ARRB1: variants seen among roughly 807,000 people sequenced by gnomAD.
ARRB1 encodes arrestin beta 1.
In ARRB1, 21 loss-of-function variants were observed where a neutral mutation model predicts 56.8. The ratio of observed to expected loss-of-function variants is 0.37; its 90% CI spans 0.26 to 0.53. ARRB1 has a LOEUF of 0.53. ARRB1 is among the 20% of genes least tolerant of loss of function. The pLI is 0.88. For synonymous variants in ARRB1, 210 were observed against 218.6 expected, an observed-to-expected ratio of 0.96 and a Z score of 0.35; for missense variants, 424 against 553.7, an observed-to-expected ratio of 0.77 and a Z score of 2.35.
intron 1 of ARRB1, among the ~76,000 whole-genome samples, chr11:75,348,005 G>A (rs1022607455): frequency 6.6e-5 from 10 of 152,058 alleles, no homozygotes; most frequent in South Asian, 6.2e-4. Context: ...CCTACTTGGC[G>A]CTGCCAAAGA....
At chr11:75,307,309 G>A (rs1947054765) in intron 1 of ARRB1, among the ~76,000 whole-genome samples, 1 of 152,198 alleles carries the variant, frequency 6.6e-6, no homozygotes, top group Non-Finnish European at 1.5e-5. Flanking sequence ...GACAAGATGA[G>A]CCTCCATCAG....
chr11:75,340,892 G>T (rs59368208), intron 1 of ARRB1, among the ~76,000 whole-genome samples: 3 of 152,090 alleles, frequency 2.0e-5, no homozygotes, highest in Non-Finnish European at 2.9e-5. Context: ...AGGGGCCAGA[G>T]GGGAGTGGCG....
intron 1 of ARRB1, among the ~76,000 whole-genome samples, chr11:75,315,729 G>A (rs917707740): frequency 1.3e-5 from 2 of 152,202 alleles, no homozygotes; most frequent in African/African-American, 4.8e-5. Context: ...CTGTGAGAGA[G>A]ACACCTGGTC....
At chr11:75,312,153 C>T in intron 1 of ARRB1, 1 of 1,289,176 alleles carries the variant, frequency 7.8e-7, no homozygotes, top group Non-Finnish European at 1.0e-6. Context: ...CTCCTTCCTC[C>T]ACCCTCGCCC....
At chr11:75,338,879 T>A (rs1457114669) in intron 1 of ARRB1, among the ~76,000 whole-genome samples, 1 of 152,220 alleles carries the variant, frequency 6.6e-6, no homozygotes, top group African/African-American at 2.4e-5. Context: ...AGACCCATCA[T>A]AACATCAACC....
At chr11:75,310,484 A>G (rs545510755) in intron 1 of ARRB1, among the ~76,000 whole-genome samples, 53 of 152,324 alleles carry the variant, frequency 3.5e-4, no homozygotes, top group South Asian at 1.4e-3. Flanking sequence ...ACCATGCTAC[A>G]TTGTTTCCAA....
At position 75,268,932 on chromosome 11, in the gene ARRB1, G is replaced by A. The variant is rs1379789018; in HGVS notation, c.1050C>T (p.Thr350=). The A allele has an allele frequency of 6.2e-7, 1 of 1,611,412 alleles. No homozygotes were observed. The highest frequency in any genetic ancestry group is 2.2e-5 in the East Asian group (1 of 44,840). The part of the protein sequence containing the change: ...SSDVAVELPF[T]LMHPKPKEEP... ...CCTCTTTGGGCTTGGGGTGCATTAG[G>A]GTGAAGGGCAGTTCCACGGCCACGT... The change falls in exon 14 of 16, where the codon ACC becomes ACT. Residue 350 remains threonine, a synonymous_variant. Coordinates refer to ENST00000420843, the MANE Select transcript of ARRB1 (RefSeq NM_004041.5).
chr11:75,341,945 G>A (rs530152218), intron 1 of ARRB1, among the ~76,000 whole-genome samples: 15 of 152,296 alleles, frequency 9.8e-5, no homozygotes, highest in African/African-American at 1.4e-4. Flanking sequence ...AAGCTGTCCC[G>A]CCAGAATCAC....
chr11:75,273,984 C>A, intron 11 of ARRB1, 90 bp downstream of exon 11: 1 of 1,583,726 alleles, frequency 6.3e-7, no homozygotes, highest in Non-Finnish European at 8.6e-7. Context: ...GTAGCCTGAG[C>A]CTTGTCTTTG....
chr11:75,346,352 A>G (rs1292105098), intron 1 of ARRB1, among the ~76,000 whole-genome samples: 2 of 152,044 alleles, frequency 1.3e-5, no homozygotes, highest in Non-Finnish European at 2.9e-5. Flanking sequence ...CTGAAAGGAG[A>G]GCACAGGGCA....
chr11:75,290,953 G>T lies in ARRB1; in HGVS notation c.21-914C>A, dbSNP rs117311048. On this transcript the variant is annotated intron_variant, in intron 1 of 15. Coordinates refer to ENST00000420843, the MANE Select transcript of ARRB1 (RefSeq NM_004041.5). The stretch of plus-strand genomic sequence containing the variant: ...CACATATTTTGCTTGTTTATTATGT[G>T]TCTACTCTGCTAATATGTCACTCCA... 7.7e-4 allele frequency among the ~76,000 whole-genome samples: 117 copies of T among 152,212 alleles called. 2 individuals carry two copies. The East Asian group carries it at 0.019, about 25-fold the overall frequency.
At chr11:75,314,858 C>T (rs567740716) in intron 1 of ARRB1, among the ~76,000 whole-genome samples, 35 of 152,328 alleles carry the variant, frequency 2.3e-4, no homozygotes, top group Middle Eastern at 3.4e-3. Flanking sequence ...CCACCCGCCT[C>T]GGCCTCCCAA....
chr11:75,328,149 T>C (rs1452426756), intron 1 of ARRB1, among the ~76,000 whole-genome samples: 1 of 152,194 alleles, frequency 6.6e-6, no homozygotes, highest in African/African-American at 2.4e-5. Flanking sequence ...TTTCTGTCTC[T>C]ATGGATTTCT....
At chr11:75,344,177 A>G (rs1195726830) in intron 1 of ARRB1, among the ~76,000 whole-genome samples, 1 of 152,072 alleles carries the variant, frequency 6.6e-6, no homozygotes, top group East Asian at 1.9e-4. Context: ...ACCTGATACC[A>G]TGGGAGACAG....
chr11:75,281,149 G>T lies in ARRB1; in HGVS notation c.415-7C>A. ...CATAGTCCACACCGCAAGCCTGTGG[G>T]GAAGGGGTCACTGACCACAGGGCCT... On this transcript the variant is annotated splice_polypyrimidine_tract_variant and splice_region_variant and intron_variant, in intron 6 of 15. Transcript: ENST00000420843. 6.3e-7 allele frequency: 1 copy of T among 1,591,948 alleles called. No individual in the cohort carries two copies. The highest frequency in any genetic ancestry group is 8.6e-7 in the Non-Finnish European group (1 of 1,168,256).
Position 75,266,231 on chromosome 11 carries a change from T to G in ARRB1, c.1189A>C (p.Lys397Gln). 1 of 1,614,222 alleles carries G rather than the reference T, an allele frequency of 6.2e-7. No homozygotes were observed. Among genetic ancestry groups the G allele is most frequent in the Non-Finnish European group, 8.5e-7 (1 of 1,180,040 alleles). ...TCCTCCTTGTCATCCTTCATGCCTT[T>G]CAGTCTCTGGCGAGCAAAGTCCTCA... is the stretch of plus-strand genomic sequence containing the variant. ...VFEDFARQRLKGMKDDKEEEE... is the reference protein window; with the variant it reads ...VFEDFARQRLQGMKDDKEEEE... The change falls in exon 16 of 16, where the codon AAA becomes CAA. Residue 397 changes from lysine to glutamine, a missense_variant. Lys to Gln is a moderately conservative substitution (Grantham distance 53, BLOSUM62 1). This residue lies in a region of ARRB1 where 121 missense variants were observed against 147.3 expected (regional missense o/e 0.82). Transcript: ENST00000420843.
intron 2 of ARRB1, among the ~76,000 whole-genome samples, chr11:75,289,804 C>A (rs1180533051): frequency 6.6e-6 from 1 of 152,222 alleles, no homozygotes; most frequent in African/African-American, 2.4e-5. Flanking sequence ...CTTCCCCACT[C>A]TGAAAGTTTC....
intron 1 of ARRB1, among the ~76,000 whole-genome samples, chr11:75,309,861 G>A (rs569116577): frequency 4.0e-4 from 61 of 152,310 alleles, no homozygotes; most frequent in African/African-American, 1.3e-3. Context: ...AGGGAGCAGG[G>A]GAGGAGCATT....
rs1945791761 is a variant in ARRB1 at position 75,261,562 on chromosome 11, ACT to A, written c.*4599_*4600del. ...TTCCGCAGCACCTGGTTTGAAAACC[ACT>A]GTGTCAGTGTCTACAAACCATAGGC... is the stretch of plus-strand genomic sequence containing the variant. On this transcript the variant is annotated 3_prime_UTR_variant, in exon 16 of 16. Transcript: ENST00000420843. The A allele has an allele frequency of 1.3e-5, 2 of 152,180 alleles. No individual in the cohort carries two copies. The highest frequency in any genetic ancestry group is 2.9e-5 in the Non-Finnish European group (2 of 68,048). The allele number at this position is 152,180 out of a possible 1,614,324, so 9.4% of individuals were successfully genotyped here. A position where few individuals can be genotyped will look rare whatever the true frequency, so the allele number is the denominator to read the frequency against.
Sources: gnomAD v4.1 joint callset for allele counts (sites outside exome capture counted in the v4.1 genomes callset) on GRCh38, gnomAD v4.1.1 for gene constraint, gnomAD v4.1.1 regional missense constraint, MANE v1.5 for transcripts, NCBI Gene and HGNC (gene_info 2026-07-23, HGNC 2026-07-21) for gene names.